Variants in MPPED2 observed in about 807,000 individuals in gnomAD.
MPPED2 encodes the protein metallophosphoesterase domain containing 2.
Under a neutral mutation model 33.0 loss-of-function variants are expected in MPPED2, and 5 were observed. The observed-to-expected ratio is 0.15, with a 90% confidence interval of 0.08 to 0.32. The LOEUF is 0.32. Among genes scored for constraint, MPPED2 ranks in the 10% least tolerant of loss-of-function variants. MPPED2 has a pLI of 1.00. For synonymous variants in MPPED2, 136 were observed against 141.9 expected (o/e 0.96, Z 0.29); for missense variants, 275 against 372.1 (o/e 0.74, Z 2.15).
chr11:30,410,996 C>T lies in MPPED2; in HGVS notation c.*472G>A. ...TTGAGAAGATTGCTATAAATTGGGA[C>T]CACATCTGCAAAAAAGAAGCATTAC... On this transcript the variant is annotated 3_prime_UTR_variant, in exon 7 of 7. Transcript: ENST00000358117. The T allele has an allele frequency of 2.0e-6, 2 of 985,710 alleles. No individual in the cohort carries two copies. Among genetic ancestry groups the T allele is most frequent in the Non-Finnish European group, 2.4e-6 (2 of 829,930 alleles). 61.1% of individuals were successfully genotyped at this position (985,710 alleles called of 1,614,324 possible).
At position 30,501,695 on chromosome 11, in the gene MPPED2, G is replaced by T. The variant is rs1002385672; in HGVS notation, c.311-6174C>A. The T allele has an allele frequency of 6.5e-6, 5 of 767,922 alleles. No individual in the cohort carries two copies. In the African/African-American group the frequency reaches 7.6e-5, roughly 12 times the overall value. The allele number at this position is 767,922 out of a possible 1,614,324, so 47.6% of individuals were successfully genotyped here. ...GAATTTCTTCTTAGAATCAGGTGGG[G>T]TTATTCTTCTATGAGCATGCAGCAA... On this transcript the variant is annotated intron_variant, in intron 3 of 6. Coordinates refer to ENST00000358117, the MANE Select transcript of MPPED2 (RefSeq NM_001584.3).
In MPPED2 at chr11:30,410,709, C is replaced by T. The variant is rs1287063167; in HGVS notation, c.*759G>A. 2 of 984,118 alleles carry T rather than the reference C, an allele frequency of 2.0e-6. No homozygotes were observed. Among genetic ancestry groups the T allele is most frequent in the African/African-American group, 3.5e-5 (2 of 57,200 alleles). 61.0% of individuals were successfully genotyped at this position (984,118 alleles called of 1,614,324 possible). A position where few individuals can be genotyped will look rare whatever the true frequency, so the allele number is the denominator to read the frequency against. On this transcript the variant is annotated 3_prime_UTR_variant, in exon 7 of 7. Transcript: ENST00000358117. ...ACGTAGTCATAATACACAAAAAATACTTATATATATAAACCCATATTGAAA... is the reference window on the plus strand; with the variant it reads ...ACGTAGTCATAATACACAAAAAATATTTATATATATAAACCCATATTGAAA...
Position 30,403,784 on chromosome 11 carries a change from G to A in MPPED2, c.766+10444C>T, listed in dbSNP as rs115572294. 2.7e-3 allele frequency among the ~76,000 whole-genome samples: 416 copies of A among 152,270 alleles called. 3 individuals are homozygous for A. Among genetic ancestry groups the A allele is most frequent in the African/African-American group, 9.1e-3 (380 of 41,548 alleles). On this transcript the variant is annotated intron_variant, in intron 6 of 6. Coordinates refer to the MPPED2 transcript ENST00000448418. ...ATTTTCAGCTGGTAAGAATTACCTT[G>A]ATGTTCCTATTTATTTTCCATTTCT...
chr11:30,542,191 T>C (rs1260140443), intron 2 of MPPED2, among the ~76,000 whole-genome samples: 1 of 152,202 alleles, frequency 6.6e-6, no homozygotes, highest in Non-Finnish European at 1.5e-5. Context: ...CTTGTACTAG[T>C]CCTTAATTTT....
chr11:30,417,122 T>C (rs1178044349), intron 5 of MPPED2, among the ~76,000 whole-genome samples: 1 of 152,180 alleles, frequency 6.6e-6, no homozygotes, highest in East Asian at 1.9e-4. Context: ...AATGAGCTCC[T>C]TTGAATAAAA....
exon 7 of MPPED2, chr11:30,386,092 T>C (rs1307796413): frequency 6.6e-6 from 1 of 152,180 alleles, no homozygotes; most frequent in Non-Finnish European, 1.5e-5. Flanking sequence ...AAATTGATAA[T>C]TAAAAGGGAA....
intron 4 of MPPED2, among the ~76,000 whole-genome samples, chr11:30,469,551 T>C (rs944236190): frequency 2.6e-5 from 4 of 152,214 alleles, no homozygotes. Context: ...ATTAAGTATA[T>C]TCTCCTATTA....
intron 4 of MPPED2, among the ~76,000 whole-genome samples, chr11:30,435,860 T>A (rs962919477): frequency 6.6e-6 from 1 of 150,412 alleles, no homozygotes; most frequent in African/African-American, 2.5e-5. Context: ...AAACCTCATG[T>A]TTTTTTCCCC....
At chr11:30,501,999 G>C (rs896390879) in intron 3 of MPPED2, among the ~76,000 whole-genome samples, 1 of 152,136 alleles carries the variant, frequency 6.6e-6, no homozygotes, top group Non-Finnish European at 1.5e-5. Context: ...AGGTTCACCA[G>C]AGCAGCTATG....
At chr11:30,566,502 G>C (rs940523736) in intron 2 of MPPED2, among the ~76,000 whole-genome samples, 2 of 152,012 alleles carry the variant, frequency 1.3e-5, no homozygotes, top group Non-Finnish European at 2.9e-5. Context: ...AAAAAAACAC[G>C]GGAGACTTAC....
chr11:30,389,596 C>T (rs772219500), intron 6 of MPPED2, among the ~76,000 whole-genome samples: 1 of 152,184 alleles, frequency 6.6e-6, no homozygotes, highest in Non-Finnish European at 1.5e-5. Flanking sequence ...TCTCAGTTAA[C>T]CAATGACAAA....
chr11:30,562,981 A>G (rs1018256096), intron 2 of MPPED2, among the ~76,000 whole-genome samples: 1 of 151,956 alleles, frequency 6.6e-6, no homozygotes, highest in East Asian at 1.9e-4. Flanking sequence ...CAAATAAAAC[A>G]TTCCTTCATT....
chr11:30,509,768 C>T (rs1953045706), intron 3 of MPPED2, among the ~76,000 whole-genome samples: 1 of 152,168 alleles, frequency 6.6e-6, no homozygotes, highest in African/African-American at 2.4e-5. Flanking sequence ...AAAATTCCAA[C>T]CTAGCAGAGT....
At chr11:30,558,170 A>G (rs1348535507) in intron 2 of MPPED2, among the ~76,000 whole-genome samples, 3 of 152,076 alleles carry the variant, frequency 2.0e-5, no homozygotes, top group Non-Finnish European at 4.4e-5. Context: ...TATGTATTTT[A>G]TTATTATTAT....
intron 2 of MPPED2, among the ~76,000 whole-genome samples, chr11:30,555,515 T>G (rs1590841253): frequency 1.3e-5 from 2 of 152,248 alleles, no homozygotes; most frequent in Middle Eastern, 6.8e-3. Flanking sequence ...TGTCATGGGA[T>G]GGACCCAGTG....
intron 2 of MPPED2, among the ~76,000 whole-genome samples, chr11:30,555,169 G>C (rs577377995): frequency 6.6e-6 from 1 of 152,020 alleles, no homozygotes; most frequent in South Asian, 2.1e-4. Flanking sequence ...CTCTGAACTG[G>C]TCACTCAGCC....
At chr11:30,503,263 T>G (rs1248766347) in intron 3 of MPPED2, among the ~76,000 whole-genome samples, 2 of 152,140 alleles carry the variant, frequency 1.3e-5, no homozygotes, top group Non-Finnish European at 2.9e-5. Flanking sequence ...GCCATGATTA[T>G]AAGTTTCCTA....
chr11:30,415,173 G>T (rs1020327695), intron 5 of MPPED2, among the ~76,000 whole-genome samples: 1 of 152,082 alleles, frequency 6.6e-6, no homozygotes, highest in Admixed American at 6.6e-5. Context: ...GAAATAACTG[G>T]GCAGTAAGGA....
intron 4 of MPPED2, among the ~76,000 whole-genome samples, chr11:30,492,312 T>C (rs1239089150): frequency 6.6e-6 from 1 of 152,178 alleles, no homozygotes; most frequent in Non-Finnish European, 1.5e-5. Flanking sequence ...CTAAACAGAT[T>C]TGAATCAGCT....
Sources: allele counts gnomAD v4.1 joint callset (sites outside exome capture counted in the v4.1 genomes callset), GRCh38; gene constraint gnomAD v4.1.1; transcripts MANE v1.5; gene names NCBI Gene and HGNC (gene_info 2026-07-23, HGNC 2026-07-21).